ZPLD1: variants seen among roughly 807,000 people sequenced by gnomAD.
ZPLD1 encodes zona pellucida like domain containing 1, also known as zona pellucida-like domain-containing protein 1.
A neutral mutation model predicts 47.2 loss-of-function variants in ZPLD1; 34 were observed. The ratio of observed to expected loss-of-function variants is 0.72; its 90% CI spans 0.55 to 0.96. The LOEUF is 0.96. Among genes scored for constraint, ZPLD1 ranks in the 40% least tolerant of loss-of-function variants. The pLI is 0.00. For synonymous variants in ZPLD1, 176 were observed against 186.2 expected (o/e 0.95, Z 0.45); for missense variants, 512 against 505.8 (o/e 1.01, Z -0.12).
intron 8 of ZPLD1, among the ~76,000 whole-genome samples, chr3:102,465,272 T>C (rs1163057735): frequency 6.6e-6 from 1 of 152,174 alleles, no homozygotes; most frequent in Non-Finnish European, 1.5e-5. Context: ...AGGAAATAGC[T>C]AGGTGAATTA....
chr3:102,405,185 A>G (rs1047749554), intron 7 of ZPLD1, among the ~76,000 whole-genome samples: 2 of 151,996 alleles, frequency 1.3e-5, no homozygotes, highest in Non-Finnish European at 2.9e-5. Flanking sequence ...TTAATAATCC[A>G]TACATTTCTC....
chr3:102,426,972 G>T (rs1706955815), intron 8 of ZPLD1, among the ~76,000 whole-genome samples: 1 of 152,120 alleles, frequency 6.6e-6, no homozygotes, highest in African/African-American at 2.4e-5. Flanking sequence ...TCAATTTCCA[G>T]ATCTAAAGAG....
intron 6 of ZPLD1, among the ~76,000 whole-genome samples, chr3:102,387,358 A>G (rs528636112): frequency 6.6e-6 from 1 of 152,354 alleles, no homozygotes; most frequent in East Asian, 1.9e-4. Flanking sequence ...TCATCTGACT[A>G]TAGAGAATTA....
chr3:102,452,204 G>T (rs1380934813), intron 3 of ZPLD1, among the ~76,000 whole-genome samples: 3 of 151,098 alleles, frequency 2.0e-5, no homozygotes, highest in Non-Finnish European at 1.5e-5. Flanking sequence ...ATAACCCATG[G>T]AGTCATGGAG....
At chr3:102,415,807 C>A (rs1468909814) in intron 7 of ZPLD1, among the ~76,000 whole-genome samples, 1 of 151,756 alleles carries the variant, frequency 6.6e-6, no homozygotes, top group African/African-American at 2.4e-5. Context: ...AGTTATATGA[C>A]TTTTAAAGGA....
At chr3:102,406,525 A>T (rs1316187301) in intron 7 of ZPLD1, among the ~76,000 whole-genome samples, 8 of 151,914 alleles carry the variant, frequency 5.3e-5, no homozygotes, top group Non-Finnish European at 8.8e-5. Flanking sequence ...GTACCAAGAC[A>T]TTTATATACA....
intron 8 of ZPLD1, among the ~76,000 whole-genome samples, chr3:102,421,541 A>G (rs908347068): frequency 1.3e-5 from 2 of 151,932 alleles, no homozygotes; most frequent in Non-Finnish European, 2.9e-5. Flanking sequence ...GAGAAATTCT[A>G]ATTAGAAATC....
chr3:102,477,299 A>T, intron 11 of ZPLD1, 144 bp from the exon 12 acceptor site: 1 of 1,016,232 alleles, frequency 9.8e-7, no homozygotes, highest in Non-Finnish European at 1.5e-6. Context: ...GTTGAATTAC[A>T]GTCAAATAGA....
At chr3:102,399,481 G>C (rs188688688) in intron 7 of ZPLD1, among the ~76,000 whole-genome samples, 1 of 151,884 alleles carries the variant, frequency 6.6e-6, no homozygotes, top group Non-Finnish European at 1.5e-5. Flanking sequence ...CAAGATCATC[G>C]TATGTATGAT....
At chr3:102,465,581 G>T (rs947443398) in intron 8 of ZPLD1, among the ~76,000 whole-genome samples, 1 of 151,794 alleles carries the variant, frequency 6.6e-6, no homozygotes, top group Non-Finnish European at 1.5e-5. Context: ...GATTTTTTTT[G>T]ACATTTCTCT....
At chr3:102,412,307 A>G (rs1400955131) in intron 7 of ZPLD1, among the ~76,000 whole-genome samples, 1 of 151,760 alleles carries the variant, frequency 6.6e-6, no homozygotes, top group Non-Finnish European at 1.5e-5. Flanking sequence ...TAACAAAAAT[A>G]TGTTTTGGGA....
At chr3:102,412,203 A>G (rs1477317135) in intron 7 of ZPLD1, among the ~76,000 whole-genome samples, 2 of 151,814 alleles carry the variant, frequency 1.3e-5, no homozygotes, top group Non-Finnish European at 2.9e-5. Flanking sequence ...TCTAAAAACC[A>G]TCTTCATAGC....
intron 6 of ZPLD1, among the ~76,000 whole-genome samples, chr3:102,390,671 A>G (rs978762316): frequency 2.0e-5 from 3 of 152,218 alleles, no homozygotes; most frequent in African/African-American, 7.2e-5. Context: ...CACAATGATT[A>G]TAGATCTCTA....
At chr3:102,399,412 G>C (rs1012314113) in intron 7 of ZPLD1, among the ~76,000 whole-genome samples, 1 of 151,964 alleles carries the variant, frequency 6.6e-6, no homozygotes, top group Non-Finnish European at 1.5e-5. Context: ...TGATCCTTCA[G>C]GACATCTTGT....
At chr3:102,451,399 A>T (rs1448017340) in intron 3 of ZPLD1, among the ~76,000 whole-genome samples, 2 of 152,218 alleles carry the variant, frequency 1.3e-5, no homozygotes, top group African/African-American at 2.4e-5. Flanking sequence ...TCATTTCCCC[A>T]TTGAAAAGCA....
intron 6 of ZPLD1, among the ~76,000 whole-genome samples, chr3:102,458,197 A>AT (rs1023332926): frequency 1.1e-4 from 16 of 151,856 alleles, no homozygotes; most frequent in Non-Finnish European, 1.3e-4. Flanking sequence ...GGAAATATAT[A>AT]TTTTTTTTAT....
intron 7 of ZPLD1, among the ~76,000 whole-genome samples, chr3:102,411,836 A>C (rs990890935): frequency 1.3e-5 from 2 of 151,848 alleles, no homozygotes; most frequent in Admixed American, 1.3e-4. Context: ...TTCTCCAGAA[A>C]AACAGAACCA....
intron 1 of ZPLD1, among the ~76,000 whole-genome samples, chr3:102,435,889 G>A (rs1335850651): frequency 1.3e-5 from 2 of 152,018 alleles, no homozygotes; most frequent in East Asian, 1.9e-4. Flanking sequence ...TGATCCACCC[G>A]CCTCGGCCTC....
At chr3:102,393,679 A>C (rs1298711051) in intron 7 of ZPLD1, among the ~76,000 whole-genome samples, 1 of 152,008 alleles carries the variant, frequency 6.6e-6, no homozygotes, top group Non-Finnish European at 1.5e-5. Context: ...TAAAACACTT[A>C]GGTTTGAAAG....
Sources: allele counts gnomAD v4.1 joint callset (sites outside exome capture counted in the v4.1 genomes callset), GRCh38; gene constraint gnomAD v4.1.1; transcripts MANE v1.5; gene names NCBI Gene and HGNC (gene_info 2026-07-23, HGNC 2026-07-21).